The following CLVS1 variants were observed in gnomAD, a reference collection of about 807,000 sequenced individuals.
CLVS1 encodes the protein clavesin-1.
Under a neutral mutation model 33.1 loss-of-function variants are expected in CLVS1, and 10 were observed. The ratio of observed to expected loss-of-function variants is 0.30; its 90% confidence interval spans 0.19 to 0.51. The LOEUF is 0.51. Ranked by LOEUF, CLVS1 falls within the 20% of genes least tolerant of loss-of-function variation. CLVS1 has a pLI of 0.97. For missense variants in CLVS1, 343 were observed against 433.4 expected, an observed-to-expected ratio of 0.79 and a Z score of 1.85; for synonymous variants, 163 against 166.1, an observed-to-expected ratio of 0.98 and a Z score of 0.14.
chr8:61,070,320 C>A (rs1305003511), intron 1 of CLVS1, among the ~76,000 whole-genome samples: 2 of 152,208 alleles, frequency 1.3e-5, no homozygotes, highest in Non-Finnish European at 2.9e-5. Context: ...ATTGGCCCAC[C>A]ATTGAGGCTT....
chr8:61,213,275 G>T (rs1808009527), intron 2 of CLVS1, among the ~76,000 whole-genome samples: 1 of 69,064 alleles, frequency 1.4e-5, no homozygotes, highest in African/African-American at 1.1e-4. Context: ...CTTCCAGGGA[G>T]CCTCTGCTCT....
At chr8:61,092,602 T>TC (rs943134939) in intron 1 of CLVS1, among the ~76,000 whole-genome samples, 11 of 152,344 alleles carry the variant, frequency 7.2e-5, no homozygotes, top group African/African-American at 2.6e-4. Context: ...CTTGAGAGGT[T>TC]GCCTTGGCTC....
At chr8:61,253,389 A>G (rs1202931165) in intron 2 of CLVS1, among the ~76,000 whole-genome samples, 1 of 152,132 alleles carries the variant, frequency 6.6e-6, no homozygotes, top group Admixed American at 6.5e-5. Context: ...GAATCTGACA[A>G]TTATACGTCT....
intron 5 of CLVS1, among the ~76,000 whole-genome samples, chr8:61,489,212 T>A (rs1176257101): frequency 6.6e-6 from 1 of 152,244 alleles, no homozygotes; most frequent in Non-Finnish European, 1.5e-5. Flanking sequence ...TGTAAACTAT[T>A]GGATTCATTA....
At chr8:61,421,945 C>A (rs543632071) in intron 3 of CLVS1, among the ~76,000 whole-genome samples, 2 of 152,040 alleles carry the variant, frequency 1.3e-5, no homozygotes, top group East Asian at 1.9e-4. Flanking sequence ...GCTGTGAACA[C>A]GTGAATTGAA....
intron 2 of CLVS1, among the ~76,000 whole-genome samples, chr8:61,305,409 T>G (rs1242711259): frequency 6.6e-6 from 1 of 152,122 alleles, no homozygotes; most frequent in African/African-American, 2.4e-5. Flanking sequence ...CTCCTGCATG[T>G]GAGTGAGAAC....
At position 61,152,635 on chromosome 8, in the gene CLVS1, C is replaced by T. The variant is rs185070141; in HGVS notation, c.-152+20775C>T. Among the ~76,000 whole-genome samples, 52 of 152,294 alleles carry T rather than the reference C, an allele frequency of 3.4e-4. 1 individual carries two copies. Among genetic ancestry groups the T allele is most frequent in the African/African-American group, 1.0e-3 (42 of 41,546 alleles). On this transcript the variant is annotated intron_variant, in intron 2 of 2. Coordinates refer to the CLVS1 transcript ENST00000522621. ...CCGTCCCTTCAGTCCTTCCATAAGG[C>T]ACTGATCCCATCCATGAGAGTGGGG...
the CLVS1 span, among the ~76,000 whole-genome samples, chr8:60,974,420 G>C: frequency 5.3e-5 from 8 of 152,308 alleles, no homozygotes; most frequent in Non-Finnish European, 8.8e-5. Flanking sequence ...TACTTCCTTT[G>C]TGAGTATTGA....
At chr8:61,057,407 CACACA>C (rs1563387127) in intron 1 of CLVS1, among the ~76,000 whole-genome samples, 46 of 148,534 alleles carry the variant, frequency 3.1e-4, no homozygotes, top group African/African-American at 7.5e-4. Context: ...CACACACACA[CACACA>C]CCCCATCCAA....
intron 2 of CLVS1, among the ~76,000 whole-genome samples, chr8:61,332,451 C>T (rs1811634147): frequency 6.6e-6 from 1 of 152,148 alleles, no homozygotes; most frequent in African/African-American, 2.4e-5. Flanking sequence ...TTGCTTTTTG[C>T]TGGCTTACTT....
chr8:61,022,188 G>A, the CLVS1 span, among the ~76,000 whole-genome samples: 3 of 152,138 alleles, frequency 2.0e-5, no homozygotes, highest in Admixed American at 6.5e-5. Flanking sequence ...ACATCCTCAC[G>A]GCATCTGAAT....
intron 2 of CLVS1, among the ~76,000 whole-genome samples, chr8:61,232,336 G>A (rs930859005): frequency 3.9e-5 from 6 of 151,984 alleles, no homozygotes; most frequent in South Asian, 2.1e-4. Context: ...GCGCCTGGCC[G>A]AGGAAAGTTT....
At chr8:61,248,699 T>A (rs1473152047) in intron 2 of CLVS1, among the ~76,000 whole-genome samples, 1 of 152,134 alleles carries the variant, frequency 6.6e-6, no homozygotes, top group Non-Finnish European at 1.5e-5. Context: ...TTATTCAGTC[T>A]GTAGACAATG....
chr8:61,093,000 C>A (rs1805278588), intron 1 of CLVS1, among the ~76,000 whole-genome samples: 2 of 152,276 alleles, frequency 1.3e-5, no homozygotes, highest in African/African-American at 2.4e-5. Flanking sequence ...AAGAAAGAAG[C>A]ACCTTAGCTC....
the CLVS1 span, among the ~76,000 whole-genome samples, chr8:61,048,258 T>C: frequency 6.6e-6 from 1 of 152,170 alleles, no homozygotes; most frequent in East Asian, 1.9e-4. Context: ...GAATCTATAA[T>C]GTGTGGCAGA....
chr8:61,007,276 G>A, the CLVS1 span, among the ~76,000 whole-genome samples: 2 of 152,204 alleles, frequency 1.3e-5, no homozygotes, highest in Non-Finnish European at 2.9e-5. Context: ...TTTAGCAAGT[G>A]AAGATGTTTT....
chr8:61,408,083 G>C (rs1161699822), intron 3 of CLVS1, among the ~76,000 whole-genome samples: 3 of 152,154 alleles, frequency 2.0e-5, no homozygotes, highest in Non-Finnish European at 2.9e-5. Context: ...AAACAGGTGG[G>C]AGGCAAGATA....
chr8:61,385,239 C>A (rs1814033828), intron 3 of CLVS1, among the ~76,000 whole-genome samples: 1 of 152,064 alleles, frequency 6.6e-6, no homozygotes, highest in African/African-American at 2.4e-5. Context: ...TGTTTAGTTC[C>A]ACATTAATAT....
At chr8:61,120,032 T>C (rs1805823224) in intron 1 of CLVS1, among the ~76,000 whole-genome samples, 2 of 147,644 alleles carry the variant, frequency 1.4e-5, no homozygotes, top group African/African-American at 5.1e-5. Context: ...GATTTGGTCT[T>C]TTCACATAGT....
Sources: allele counts gnomAD v4.1 joint callset (sites outside exome capture counted in the v4.1 genomes callset), GRCh38; gene constraint gnomAD v4.1.1; transcripts MANE v1.5; gene names NCBI Gene and HGNC (gene_info 2026-07-23, HGNC 2026-07-21).